The following SLC8A1 variants were observed in gnomAD, a reference collection of about 807,000 sequenced individuals.
The protein encoded by SLC8A1 is sodium/calcium exchanger 1.
In SLC8A1, 18 loss-of-function variants were observed where a neutral mutation model predicts 68.3. The observed-to-expected ratio is 0.26, with a 90% CI of 0.18 to 0.39. The LOEUF (loss-of-function observed/expected upper bound fraction) is 0.39, where lower values mean the gene tolerates loss of function less well. SLC8A1 is among the 10% of genes least tolerant of loss of function. The probability of loss-of-function intolerance (pLI) is 1.00; values close to 1 mark genes in which losing one functional copy is unlikely to be tolerated. For synonymous variants in SLC8A1, 475 were observed against 415.5 expected (o/e 1.14, Z -1.74); for missense variants, 985 against 1,156.7 (o/e 0.85, Z 2.15).
Position 40,212,232 on chromosome 2 carries a change from G to A in SLC8A1, c.1809-34377C>T, listed in dbSNP as rs1324744553. ...TTTTAAGTCATAGTTCCTCATTCTG[G>A]CGACTTATCTGTTACTTATTTCCAG... is the stretch of plus-strand genomic sequence containing the variant. On this transcript the variant is annotated intron_variant, in intron 2 of 7. Coordinates refer to ENST00000406785, the Ensembl canonical transcript of SLC8A1. Among the ~76,000 whole-genome samples, 4 of 150,000 alleles carry A rather than the reference G, an allele frequency of 2.7e-5. No individual in the cohort carries two copies. The Middle Eastern group carries it at 0.011, about 396-fold the overall frequency.
chr2:40,505,993 A>C (rs1706341911), intron 1 of SLC8A1, among the ~76,000 whole-genome samples: 1 of 151,956 alleles, frequency 6.6e-6, no homozygotes, highest in African/African-American at 2.4e-5. Flanking sequence ...GTTGAACATA[A>C]CAAGCTTGCG....
intron 1 of SLC8A1, among the ~76,000 whole-genome samples, chr2:40,443,607 A>G (rs1397785272): frequency 1.3e-5 from 2 of 152,220 alleles, no homozygotes. Flanking sequence ...CTGAGGTCAG[A>G]GCCATGCAAC....
intron 2 of SLC8A1, among the ~76,000 whole-genome samples, chr2:40,274,713 TCTGTAAA>T (rs2066481567): frequency 6.6e-6 from 1 of 152,198 alleles, no homozygotes; most frequent in Non-Finnish European, 1.5e-5. Context: ...CATTGCCACT[TCTGTAAA>T]TATAAGTGAC....
intron 1 of SLC8A1, among the ~76,000 whole-genome samples, chr2:40,438,174 G>T (rs1374135456): frequency 1.3e-5 from 2 of 152,096 alleles, no homozygotes; most frequent in Non-Finnish European, 2.9e-5. Flanking sequence ...TCTTTCAAAA[G>T]CCTCCTGATA....
intron 2 of SLC8A1, among the ~76,000 whole-genome samples, chr2:40,225,574 C>T (rs887278087): frequency 3.3e-4 from 50 of 152,132 alleles, no homozygotes; most frequent in African/African-American, 1.2e-3. Flanking sequence ...ATCTCTCTTG[C>T]ACCCAGTAAA....
At chr2:40,203,557 G>T (rs1010513362) in intron 2 of SLC8A1, among the ~76,000 whole-genome samples, 2 of 152,088 alleles carry the variant, frequency 1.3e-5, no homozygotes, top group East Asian at 1.9e-4. Context: ...CAAGAGAAAT[G>T]CAAGAATAGC....
intron 2 of SLC8A1, among the ~76,000 whole-genome samples, chr2:40,399,678 C>T (rs1310407789): frequency 1.3e-5 from 2 of 152,014 alleles, no homozygotes; most frequent in Non-Finnish European, 2.9e-5. Context: ...GTAAATAGCC[C>T]CTGTCATTTT....
At chr2:40,392,644 C>G (rs937015001) in intron 2 of SLC8A1, among the ~76,000 whole-genome samples, 1 of 152,046 alleles carries the variant, frequency 6.6e-6, no homozygotes. Context: ...GTTCCACAGC[C>G]TTCCAAGATT....
chr2:40,400,330 A>G (rs1171145172), intron 2 of SLC8A1, among the ~76,000 whole-genome samples: 4 of 152,164 alleles, frequency 2.6e-5, no homozygotes, highest in Non-Finnish European at 5.9e-5. Context: ...AAAAGATCCT[A>G]GAACCGAAAG....
At chr2:40,205,812 T>C (rs1292411198) in intron 2 of SLC8A1, among the ~76,000 whole-genome samples, 2 of 124,646 alleles carry the variant, frequency 1.6e-5, no homozygotes, top group East Asian at 5.3e-4. Context: ...TGAAAAAATA[T>C]CTTGAAAAAA....
At chr2:40,223,635 G>A (rs775958005) in intron 2 of SLC8A1, 4 of 151,876 alleles carry the variant, frequency 2.6e-5, no homozygotes, top group Non-Finnish European at 5.9e-5. Flanking sequence ...CCTAGGTTTT[G>A]GAAATCACTA....
rs190775102 is a variant in SLC8A1, at chr2:40,195,871, G to A, written c.1809-18016C>T. 5.3e-5 allele frequency: 8 copies of A among 152,092 alleles called. No individual in the cohort carries two copies. In the South Asian group the frequency reaches 1.0e-3, roughly 20 times the overall value. The allele number at this position is 152,092 out of a possible 1,614,324, so 9.4% of individuals were successfully genotyped here. A position where few individuals can be genotyped will look rare whatever the true frequency, so the allele number is the denominator to read the frequency against. On this transcript the variant is annotated intron_variant, in intron 2 of 7. Transcript: ENST00000406785. The stretch of plus-strand genomic sequence containing the variant: ...TGAGCTAATAGACTTTTTTCCAAAG[G>A]AGTGACCTTAAAAGAAAAATCAAAG...
chr2:40,248,380 A>T (rs548868531), intron 2 of SLC8A1, among the ~76,000 whole-genome samples: 1 of 152,228 alleles, frequency 6.6e-6, no homozygotes, highest in South Asian at 2.1e-4. Flanking sequence ...CTTAAGAGTG[A>T]GGTTAGTGCC....
At position 40,221,041 on chromosome 2, in the gene SLC8A1, C is replaced by A. The variant is rs188695599; in HGVS notation, c.1809-43186G>T. ...ACTCATTTTATGAGGCCAGCATCAT[C>A]CTGATACCAAAACCTGGCAGAGACA... On this transcript the variant is annotated intron_variant, in intron 2 of 7. Transcript: ENST00000406785. 2.0e-5 allele frequency among the ~76,000 whole-genome samples: 3 copies of A among 152,004 alleles called. No individual in the cohort carries two copies. In the East Asian group the frequency reaches 5.8e-4, roughly 29 times the overall value.
At chr2:40,133,068 A>C (rs906637941) in intron 7 of SLC8A1, among the ~76,000 whole-genome samples, 10 of 152,208 alleles carry the variant, frequency 6.6e-5, no homozygotes, top group Non-Finnish European at 1.2e-4. Context: ...AATCTTCTTG[A>C]AAAGTTTGTT....
chr2:40,294,705 T>C (rs2070005480), intron 2 of SLC8A1, among the ~76,000 whole-genome samples: 1 of 152,202 alleles, frequency 6.6e-6, no homozygotes, highest in African/African-American at 2.4e-5. Flanking sequence ...TTTAATTTTA[T>C]ATCCTTAAAT....
chr2:40,361,681 A>G (rs1037428373), intron 2 of SLC8A1, among the ~76,000 whole-genome samples: 1 of 152,128 alleles, frequency 6.6e-6, no homozygotes, highest in South Asian at 2.1e-4. Flanking sequence ...GAATGATGTC[A>G]TCTGCAGTCA....
chr2:40,326,939 T>C (rs1289744477), intron 2 of SLC8A1, among the ~76,000 whole-genome samples: 1 of 152,232 alleles, frequency 6.6e-6, no homozygotes, highest in African/African-American at 2.4e-5. Flanking sequence ...AAATTGCTAA[T>C]GGTCCAAGTA....
chr2:40,328,201 G>C (rs561482723), intron 2 of SLC8A1, among the ~76,000 whole-genome samples: 9 of 152,088 alleles, frequency 5.9e-5, no homozygotes, highest in South Asian at 2.1e-4. Flanking sequence ...ACCATTCCAA[G>C]GAATTTTCTG....
Sources: gnomAD v4.1 joint callset for allele counts (sites outside exome capture counted in the v4.1 genomes callset) on GRCh38, gnomAD v4.1.1 for gene constraint, MANE v1.5 for transcripts, NCBI Gene and HGNC (gene_info 2026-07-23, HGNC 2026-07-21) for gene names.